The following PDGFD variants were observed in gnomAD, a reference collection of about 807,000 sequenced individuals.
PDGFD encodes the protein platelet-derived growth factor D.
PDGFD carries 30 observed loss-of-function variants against 44.7 expected under a neutral mutation model. The observed-to-expected ratio is 0.67, with a 90% CI of 0.50 to 0.91. PDGFD has a LOEUF of 0.91. Among genes scored for constraint, PDGFD ranks in the 40% least tolerant of loss-of-function variants. The pLI is 0.00. For missense variants in PDGFD, 445 were observed against 457.8 expected, an observed-to-expected ratio of 0.97 and a Z score of 0.25; for synonymous variants, 173 against 168.4, an observed-to-expected ratio of 1.03 and a Z score of -0.21.
In PDGFD at chr11:104,101,536, A is replaced by C. The variant is rs545233705; in HGVS notation, c.124+62268T>G. Among the ~76,000 whole-genome samples, 20 of 152,276 alleles carry C rather than the reference A, an allele frequency of 1.3e-4. No homozygotes were observed. The East Asian group carries it at 3.7e-3, about 28-fold the overall frequency. On this transcript the variant is annotated intron_variant, in intron 1 of 6. Coordinates refer to ENST00000393158, the MANE Select transcript of PDGFD (RefSeq NM_025208.5). ...TTACAGATTCAATGCCATCCCCATC[A>C]AGCTACCAATGACTTTCTTCACAGA...
chr11:104,065,864 G>T (rs535809888), intron 1 of PDGFD, among the ~76,000 whole-genome samples: 1 of 152,048 alleles, frequency 6.6e-6, no homozygotes, highest in African/African-American at 2.4e-5. Flanking sequence ...TCCGTTCTAA[G>T]GGATCTCTAG....
At chr11:104,057,226 G>A (rs1420417586) in intron 1 of PDGFD, among the ~76,000 whole-genome samples, 1 of 152,034 alleles carries the variant, frequency 6.6e-6, no homozygotes, top group Non-Finnish European at 1.5e-5. Flanking sequence ...ACATTGATAA[G>A]AAAAATTAAA....
chr11:104,157,997 C>A (rs1003837021), intron 1 of PDGFD, among the ~76,000 whole-genome samples: 1 of 152,178 alleles, frequency 6.6e-6, no homozygotes, highest in African/African-American at 2.4e-5. Context: ...GGCTTCAAAT[C>A]ATGTTTGCCT....
At chr11:103,979,328 T>C (rs1478132796) in intron 3 of PDGFD, among the ~76,000 whole-genome samples, 1 of 152,052 alleles carries the variant, frequency 6.6e-6, no homozygotes, top group Non-Finnish European at 1.5e-5. Flanking sequence ...TCCCCACTCC[T>C]TCCTTGGGTC....
chr11:103,931,596 T>TC (rs1331671370), intron 5 of PDGFD, among the ~76,000 whole-genome samples: 1 of 152,178 alleles, frequency 6.6e-6, no homozygotes, highest in Non-Finnish European at 1.5e-5. Context: ...TCTTTTCTTT[T>TC]CTTTTTTTGA....
intron 6 of PDGFD, among the ~76,000 whole-genome samples, chr11:103,925,939 C>T (rs1858308058): frequency 1.3e-5 from 2 of 151,760 alleles, no homozygotes; most frequent in Non-Finnish European, 2.9e-5. Flanking sequence ...ATGTTGGCCA[C>T]GCTGTTCTTG....
intron 1 of PDGFD, among the ~76,000 whole-genome samples, chr11:104,064,959 T>C (rs571219325): frequency 1.3e-5 from 2 of 152,178 alleles, no homozygotes; most frequent in East Asian, 3.9e-4. Context: ...CCAAAGGAGA[T>C]TAACATTTGA....
intron 3 of PDGFD, among the ~76,000 whole-genome samples, chr11:103,985,808 T>C (rs1234082588): frequency 6.6e-6 from 1 of 152,144 alleles, no homozygotes; most frequent in East Asian, 1.9e-4. Flanking sequence ...CTGGAAAATA[T>C]GATCACAGCT....
intron 6 of PDGFD, among the ~76,000 whole-genome samples, chr11:103,920,223 A>G (rs1202669738): frequency 6.6e-6 from 1 of 152,252 alleles, no homozygotes; most frequent in Admixed American, 6.5e-5. Context: ...ATGAATTTTG[A>G]AAATGCAATC....
At chr11:104,130,988 A>G (rs1435687236) in intron 1 of PDGFD, among the ~76,000 whole-genome samples, 2 of 152,234 alleles carry the variant, frequency 1.3e-5, no homozygotes, top group African/African-American at 4.8e-5. Flanking sequence ...CTGATTATAC[A>G]CTTAATTATA....
chr11:103,936,088 C>T (rs1490158647), intron 5 of PDGFD, among the ~76,000 whole-genome samples: 1 of 152,104 alleles, frequency 6.6e-6, no homozygotes, highest in Non-Finnish European at 1.5e-5. Flanking sequence ...GTTCAGGAAA[C>T]TCAATGAAGC....
chr11:104,146,184 G>A (rs1220385531), intron 1 of PDGFD, among the ~76,000 whole-genome samples: 1 of 152,008 alleles, frequency 6.6e-6, no homozygotes, highest in Non-Finnish European at 1.5e-5. Context: ...TCTCTTTTTT[G>A]TATTCATGTT....
chr11:104,100,590 C>G lies in PDGFD; in HGVS notation c.124+63214G>C, dbSNP rs1029737966. Among the ~76,000 whole-genome samples the G allele has an allele frequency of 2.4e-4, 36 of 152,170 alleles. 1 individual carries two copies. The highest frequency in any genetic ancestry group is 7.5e-4 in the African/African-American group (31 of 41,436). On this transcript the variant is annotated intron_variant, in intron 1 of 6. Transcript: ENST00000393158. ...AAGAAAAAGAGGGAATCCTCCCTAA[C>G]TCATTATATGAGGCCAGCATCATCC...
At chr11:104,152,686 A>T (rs186994175) in intron 1 of PDGFD, among the ~76,000 whole-genome samples, 19 of 152,214 alleles carry the variant, frequency 1.2e-4, no homozygotes, top group African/African-American at 2.6e-4. Flanking sequence ...GGCTTTTTTT[A>T]AAAGACAATT....
chr11:104,022,826 TA>T (rs1859983179), intron 1 of PDGFD, among the ~76,000 whole-genome samples: 1 of 152,054 alleles, frequency 6.6e-6, no homozygotes, highest in Non-Finnish European at 1.5e-5. Flanking sequence ...TACACACACA[TA>T]GACACACACA....
chr11:103,945,388 G>A (rs558238746), intron 4 of PDGFD, among the ~76,000 whole-genome samples: 1 of 152,188 alleles, frequency 6.6e-6, no homozygotes, highest in African/African-American at 2.4e-5. Context: ...TGCTAGAGGT[G>A]GAAGACTTAT....
intron 1 of PDGFD, among the ~76,000 whole-genome samples, chr11:104,151,605 G>C (rs993593839): frequency 6.6e-6 from 1 of 151,940 alleles, no homozygotes; most frequent in Non-Finnish European, 1.5e-5. Context: ...TAATTATTTC[G>C]CACATCACAC....
At chr11:104,116,771 T>C (rs368887731) in intron 1 of PDGFD, among the ~76,000 whole-genome samples, 5 of 152,094 alleles carry the variant, frequency 3.3e-5, no homozygotes, top group South Asian at 2.1e-4. Flanking sequence ...AATTGAATCA[T>C]AGGGGCCGGT....
At chr11:104,000,016 G>C (rs753444435) in intron 2 of PDGFD, 35 bp downstream of exon 2, 3 of 1,543,338 alleles carry the variant, frequency 1.9e-6, no homozygotes, top group South Asian at 1.1e-5. Flanking sequence ...TTTTCACCTT[G>C]AAATAGTACC....
Sources: gnomAD v4.1 joint callset for allele counts (sites outside exome capture counted in the v4.1 genomes callset) on GRCh38, gnomAD v4.1.1 for gene constraint, MANE v1.5 for transcripts, NCBI Gene and HGNC (gene_info 2026-07-23, HGNC 2026-07-21) for gene names.